The following C9 variants were observed in gnomAD, a reference collection of about 807,000 sequenced individuals.
C9 encodes complement C9.
C9 carries 63 observed loss-of-function variants against 65.4 expected under a neutral mutation model. The observed-to-expected ratio is 0.96, with a 90% CI of 0.79 to 1.19. The LOEUF (loss-of-function observed/expected upper bound fraction) is 1.19, where lower values mean the gene tolerates loss of function less well. Ranked by LOEUF, C9 falls within the 50% of genes most tolerant of loss-of-function variation. C9 has a pLI of 0.00. For missense variants in C9, 744 were observed against 670.1 expected (o/e 1.11, Z -1.22); for synonymous variants, 229 against 227.9 (o/e 1.00, Z -0.04).
At chr5:39,303,793 C>T (rs1412350192) in intron 9 of C9, among the ~76,000 whole-genome samples, 2 of 151,846 alleles carry the variant, frequency 1.3e-5, no homozygotes, top group Non-Finnish European at 2.9e-5. Flanking sequence ...TGTTTCCTCC[C>T]GCATCCCAAA....
chr5:39,299,633 G>A (rs1426339069), intron 9 of C9, among the ~76,000 whole-genome samples: 1 of 152,096 alleles, frequency 6.6e-6, no homozygotes, highest in Non-Finnish European at 1.5e-5. Context: ...TTATATGGCA[G>A]TAAATAGATC....
rs777500599 is a variant in C9, at chr5:39,315,821, G to A, written c.824C>T (p.Ser275Phe). The change falls in exon 6 of 11, where the codon TCC (serine) becomes TTC (phenylalanine). Residue 275 changes from serine to phenylalanine, a missense_variant. Ser to Phe is a radical substitution (Grantham distance 155). Transcript: ENST00000263408. ...AAATAGTTGGTAAGTTTCATTTTTG[G>A]AATATGAAAACCGAAAACTACCCTT... is the stretch of plus-strand genomic sequence containing the variant. ...HGKGSFRFSY[S>F]KNETYQLFLS... 2 of 1,607,250 alleles carry A rather than the reference G, an allele frequency of 1.2e-6. No homozygotes were observed. Among genetic ancestry groups the A allele is most frequent in the Non-Finnish European group, 1.7e-6 (2 of 1,174,086 alleles).
At chr5:39,303,662 T>C (rs189934240) in intron 9 of C9, among the ~76,000 whole-genome samples, 1 of 152,154 alleles carries the variant, frequency 6.6e-6, no homozygotes, top group African/African-American at 2.4e-5. Flanking sequence ...CAGAATGTTA[T>C]TTCATTCAAG....
chr5:39,317,286 A>G (rs1288234935), intron 5 of C9, among the ~76,000 whole-genome samples: 4 of 152,076 alleles, frequency 2.6e-5, no homozygotes, highest in African/African-American at 9.7e-5. Flanking sequence ...ATTTTCACCT[A>G]TTATATAGGT....
rs183328595 is a variant in C9 at position 39,333,846 on chromosome 5, G to A, written c.477-2032C>T. Among the ~76,000 whole-genome samples the A allele has an allele frequency of 7.3e-3, 1,118 of 152,222 alleles. 10 individuals carry two copies. Among genetic ancestry groups the A allele is most frequent in the Non-Finnish European group, 0.012 (806 of 68,040 alleles). ...CCGGGCTGGTCTCCAGCTCCTAACC[G>A]CGAGTGATCCGCCAGCCTTGGCCTC... On this transcript the variant is annotated intron_variant, in intron 4 of 10. Coordinates refer to ENST00000263408, the MANE Select transcript of C9 (RefSeq NM_001737.5).
At position 39,341,648 on chromosome 5, in the gene C9, G is replaced by A. The variant is rs1384562716; in HGVS notation, c.236C>T (p.Thr79Ile). Residue 79 changes from threonine to isoleucine, a missense_variant, in exon 3 of 11, where the codon ACC (threonine) becomes ATC (isoleucine). Transcript: ENST00000263408. ...CTGTCGTCTGTCTCCCACAGCGTCGGTGCATCTTTTCCCATTAAATTGTCC... is the reference window on the plus strand; with the variant it reads ...CTGTCGTCTGTCTCCCACAGCGTCGATGCATCTTTTCCCATTAAATTGTCC... ...VFGQFNGKRC[T>I]DAVGDRRQCV... 1.2e-6 allele frequency: 2 copies of A among 1,613,612 alleles called. No individual in the cohort carries two copies. The highest frequency in any genetic ancestry group is 1.7e-6 in the Non-Finnish European group (2 of 1,179,642).
intron 9 of C9, among the ~76,000 whole-genome samples, chr5:39,298,284 A>G (rs1048382004): frequency 6.6e-6 from 1 of 151,604 alleles, no homozygotes; most frequent in South Asian, 2.1e-4. Flanking sequence ...AAATTTAAGT[A>G]CAAAGCATAA....
At chr5:39,310,062 A>G (rs1200747236) in intron 7 of C9, among the ~76,000 whole-genome samples, 1 of 152,120 alleles carries the variant, frequency 6.6e-6, no homozygotes, top group East Asian at 1.9e-4. Flanking sequence ...AAGCTAAGTA[A>G]CATTACATTC....
intron 9 of C9, among the ~76,000 whole-genome samples, chr5:39,298,203 T>C (rs1328538174): frequency 1.3e-5 from 2 of 151,442 alleles, no homozygotes; most frequent in East Asian, 1.9e-4. Context: ...AAAATACCTA[T>C]ATTAGACAAG....
At chr5:39,299,075 C>T (rs1753237482) in intron 9 of C9, among the ~76,000 whole-genome samples, 1 of 151,794 alleles carries the variant, frequency 6.6e-6, no homozygotes, top group Non-Finnish European at 1.5e-5. Context: ...AAACCTACAG[C>T]TAACATCATA....
chr5:39,349,322 T>C (rs1378479561), intron 1 of C9, among the ~76,000 whole-genome samples: 24 of 152,148 alleles, frequency 1.6e-4, no homozygotes, highest in Non-Finnish European at 1.5e-5. Flanking sequence ...TCCTTTCCAT[T>C]TGTAATATAA....
Position 39,311,203 on chromosome 5 carries a change from A to G in C9, c.1045T>C (p.Ser349Pro). 6.2e-7 allele frequency: 1 copy of G among 1,612,996 alleles called. No individual in the cohort carries two copies. Among genetic ancestry groups the G allele is most frequent in the East Asian group, 2.2e-5 (1 of 44,872 alleles). ...LETYGTHYSS[S>P]GSLGGLYELI... ...TCATAGAGTCCTCCTAGAGACCCAGAGCTACTGTAGTGAGTTCCATAGGTT... is the reference window on the plus strand; with the variant it reads ...TCATAGAGTCCTCCTAGAGACCCAGGGCTACTGTAGTGAGTTCCATAGGTT... Residue 349 changes from serine (S) to proline (P), a missense_variant, in exon 7 of 11, where the codon TCT (serine) becomes CCT (proline). By Grantham distance (74) the Ser-to-Pro change is moderately conservative (BLOSUM62 -1). Coordinates refer to ENST00000263408, the MANE Select transcript of C9 (RefSeq NM_001737.5).
At chr5:39,346,477 G>T (rs1754196982) in intron 1 of C9, among the ~76,000 whole-genome samples, 1 of 152,120 alleles carries the variant, frequency 6.6e-6, no homozygotes. Context: ...CCAGGAAGAA[G>T]TTGAATCCCT....
At chr5:39,288,056 A>G (rs1358015175) in intron 10 of C9, among the ~76,000 whole-genome samples, 1 of 152,010 alleles carries the variant, frequency 6.6e-6, no homozygotes, top group East Asian at 1.9e-4. Context: ...TTTCAAAAAC[A>G]CAAATACAGT....
intron 1 of C9, among the ~76,000 whole-genome samples, chr5:39,342,896 T>C (rs960330355): frequency 2.6e-5 from 4 of 152,168 alleles, no homozygotes; most frequent in Non-Finnish European, 2.9e-5. Flanking sequence ...GTTCACCATT[T>C]GAGTCTCTTC....
Position 39,316,087 on chromosome 5 carries a change from A to T in C9, c.616-58T>A. On this transcript the variant is annotated intron_variant, in intron 5 of 10. Coordinates refer to ENST00000263408, the MANE Select transcript of C9 (RefSeq NM_001737.5). ...AAGATACGAAACAAAAGGAAAAACA[A>T]GCAGAACAGAACCAAAGAGAAGTCA... The T allele has an allele frequency of 8.3e-6, 12 of 1,437,722 alleles. No homozygotes were observed. In the South Asian group the frequency reaches 1.4e-4, roughly 17 times the overall value. 89.1% of individuals were successfully genotyped at this position (1,437,722 alleles called of 1,614,324 possible). A position where few individuals can be genotyped will look rare whatever the true frequency, so the allele number is the denominator to read the frequency against.
intron 5 of C9, among the ~76,000 whole-genome samples, chr5:39,321,674 A>C (rs1346267338): frequency 6.6e-6 from 1 of 152,046 alleles, no homozygotes; most frequent in African/African-American, 2.4e-5. Flanking sequence ...TATGAGACTC[A>C]CTTCACCTTT....
intron 9 of C9, among the ~76,000 whole-genome samples, chr5:39,299,010 G>A (rs932122246): frequency 6.6e-6 from 1 of 151,802 alleles, no homozygotes; most frequent in Non-Finnish European, 1.5e-5. Flanking sequence ...CAAAAATTCT[G>A]AGCAAACTAG....
chr5:39,328,870 A>G (rs545127330), intron 5 of C9, among the ~76,000 whole-genome samples: 1 of 152,294 alleles, frequency 6.6e-6, no homozygotes, highest in Non-Finnish European at 1.5e-5. Context: ...GGCTGTAGTG[A>G]AATGGTATAG....
Sources: gnomAD v4.1 joint callset for allele counts (sites outside exome capture counted in the v4.1 genomes callset) on GRCh38, gnomAD v4.1.1 for gene constraint, MANE v1.5 for transcripts, NCBI Gene and HGNC (gene_info 2026-07-23, HGNC 2026-07-21) for gene names.